Variants in COL6A2 observed in about 807,000 individuals in gnomAD.
The protein encoded by COL6A2 is collagen type VI alpha 2 chain.
In COL6A2, 90 loss-of-function variants were observed where a neutral mutation model predicts 124.9. The ratio of observed to expected loss-of-function variants is 0.72; its 90% confidence interval spans 0.61 to 0.86. The LOEUF (loss-of-function observed/expected upper bound fraction) is 0.86. Among genes scored for constraint, COL6A2 ranks in the 40% least tolerant of loss-of-function variants. COL6A2 has a pLI of 0.00. For synonymous variants in COL6A2, 793 were observed against 618.2 expected (o/e 1.28, Z -4.19); for missense variants, 1,607 against 1,502.5 (o/e 1.07, Z -1.15).
intron 27 of COL6A2, among the ~76,000 whole-genome samples, chr21:46,127,070 C>T (rs989468185): frequency 3.3e-5 from 5 of 152,154 alleles, no homozygotes; most frequent in Admixed American, 2.0e-4. Flanking sequence ...GGGTGTGAAG[C>T]TGGAGCTGGG....
intron 1 of COL6A2, among the ~76,000 whole-genome samples, chr21:46,105,175 C>G (rs890992232): frequency 1.3e-5 from 2 of 152,086 alleles, no homozygotes; most frequent in Non-Finnish European, 2.9e-5. Context: ...CCCAGGAGTT[C>G]AAGACCAGCC....
intron 14 of COL6A2, 106 bp downstream of exon 14, chr21:46,119,225 G>T: frequency 1.1e-6 from 1 of 879,734 alleles, no homozygotes; most frequent in Non-Finnish European, 1.8e-6. Flanking sequence ...AGGATCCCCT[G>T]CTGGCAAGGC....
intron 10 of COL6A2, among the ~76,000 whole-genome samples, 164 bp from the exon 11 acceptor site, chr21:46,117,236 G>A (rs190406823): frequency 1.3e-3 from 205 of 152,362 alleles, no homozygotes; most frequent in African/African-American, 4.5e-3. Context: ...CTGCCTCCCC[G>A]GAGACAGCTC....
intron 18 of COL6A2, 128 bp from the exon 19 acceptor site, chr21:46,121,980 A>T: frequency 1.0e-6 from 1 of 988,100 alleles, no homozygotes; most frequent in Non-Finnish European, 1.6e-6. Context: ...GCCTCTGCTC[A>T]CAGCCAGAAC....
At chr21:46,129,702 T>C (rs2078734787) in intron 27 of COL6A2, 2 of 1,411,792 alleles carry the variant, frequency 1.4e-6, no homozygotes, top group Non-Finnish European at 1.8e-6. Flanking sequence ...TTCCAGTCTC[T>C]CCTCCGTCTT....
intron 19 of COL6A2, 142 bp from the exon 20 acceptor site, chr21:46,122,354 A>G: frequency 1.5e-6 from 2 of 1,303,994 alleles, no homozygotes; most frequent in Non-Finnish European, 2.2e-6. Context: ...GGAAAAGAGC[A>G]CAGCTCAGAA....
chr21:46,123,016 G>C, intron 21 of COL6A2, 79 bp downstream of exon 21: 6 of 1,350,586 alleles, frequency 4.4e-6, no homozygotes, highest in Non-Finnish European at 6.4e-6. Flanking sequence ...GTGCATCTAT[G>C]AGTACAGGAG....
rs1026570756 is a variant in COL6A2, at chr21:46,111,418, G to C, written c.-27-32G>C. 6.2e-5 allele frequency: 81 copies of C among 1,316,126 alleles called. 1 individual carries two copies. In the East Asian group the frequency reaches 1.9e-3, roughly 30 times the overall value. 81.5% of individuals were successfully genotyped at this position (1,316,126 alleles called of 1,614,324 possible). The stretch of plus-strand genomic sequence containing the variant: ...GAGGGTGCCAGGGGAGAGGCACTGG[G>C]GGTGTCTGAGCGACCCCCACCCCTG... On this transcript the variant is annotated intron_variant, in intron 1 of 27. Coordinates refer to ENST00000300527, the MANE Select transcript of COL6A2 (RefSeq NM_001849.4).
chr21:46,099,102 G>A (rs1410358170), intron 1 of COL6A2: 1 of 152,358 alleles, frequency 6.6e-6, no homozygotes, highest in Non-Finnish European at 1.5e-5. Context: ...CTTGTTCTTG[G>A]GATAACACAG....
intron 27 of COL6A2, chr21:46,128,889 T>C (rs772399181): frequency 4.4e-6 from 7 of 1,607,496 alleles, no homozygotes; most frequent in Non-Finnish European, 6.0e-6. Flanking sequence ...GAGTTTGGCC[T>C]GTCTCCGGCA....
chr21:46,127,783 C>T (rs1296093293), intron 27 of COL6A2, among the ~76,000 whole-genome samples: 1 of 152,194 alleles, frequency 6.6e-6, no homozygotes, highest in East Asian at 1.9e-4. Context: ...GGCTTCCCCT[C>T]CACTCCAGGT....
chr21:46,129,153 C>T, intron 27 of COL6A2: 1 of 1,611,882 alleles, frequency 6.2e-7, no homozygotes. Context: ...TAGGCCGACG[C>T]CCACCGCAGG....
chr21:46,129,740 C>G (rs1017119475), intron 27 of COL6A2: 2 of 1,368,270 alleles, frequency 1.5e-6, no homozygotes, highest in African/African-American at 2.9e-5. Flanking sequence ...TATAAGAACC[C>G]TGGTCATTGA....
intron 25 of COL6A2, 72 bp downstream of exon 25, chr21:46,125,689 AG>A (rs1312393208): frequency 2.5e-6 from 4 of 1,589,398 alleles, no homozygotes; most frequent in Non-Finnish European, 3.4e-6. Context: ...AGATGGGAGA[AG>A]TCCAGACGCG....
chr21:46,118,112 T>G (rs764329460), intron 12 of COL6A2, among the ~76,000 whole-genome samples, 176 bp downstream of exon 12: 1 of 152,042 alleles, frequency 6.6e-6, no homozygotes, highest in Non-Finnish European at 1.5e-5. Context: ...TTCATCAGCT[T>G]CTAACCAGGG....
chr21:46,099,308 T>C (rs2078260824), intron 1 of COL6A2, among the ~76,000 whole-genome samples: 1 of 151,638 alleles, frequency 6.6e-6, no homozygotes, highest in Admixed American at 6.6e-5. Flanking sequence ...AAAAAAAAAT[T>C]AGCCGGGCGT....
At position 46,132,179 on chromosome 21, in the gene COL6A2, A is replaced by G; in HGVS notation, c.2687A>G (p.His896Arg). Residue 896 changes from histidine (H) to arginine (R), a missense_variant, in exon 28 of 28, where the codon CAC becomes CGC. His to Arg is a conservative substitution (Grantham distance 29). Coordinates refer to ENST00000300527, the MANE Select transcript of COL6A2 (RefSeq NM_001849.4). Reference protein sequence around the residue: ...GEQQVAFPLSHNLTAIHEALE... With the variant: ...GEQQVAFPLSRNLTAIHEALE... ...CAGCAGGTGGCCTTCCCGCTGAGCC[A>G]CAACCTCACGGCCATCCACGAGGCG... is the stretch of plus-strand genomic sequence containing the variant. 1 of 1,573,480 alleles carries G rather than the reference A, an allele frequency of 6.4e-7. No homozygotes were observed. Among genetic ancestry groups the G allele is most frequent in the South Asian group, 1.2e-5 (1 of 86,914 alleles).
Position 46,120,500 on chromosome 21 carries a change from CT to C in COL6A2, c.1333-13del. The C allele has an allele frequency of 6.6e-7, 1 of 1,523,276 alleles. No individual in the cohort carries two copies. The highest frequency in any genetic ancestry group is 8.8e-7 in the Non-Finnish European group (1 of 1,136,618). 94.4% of individuals were successfully genotyped at this position (1,523,276 alleles called of 1,614,324 possible). ...CTCAGCTGAGACCCGTGGGGCCTCCCTTCCCTTCCCACAGGGGGACCCTGGC... is the reference window on the plus strand; with the variant it reads ...CTCAGCTGAGACCCGTGGGGCCTCCCTCCCTTCCCACAGGGGGACCCTGGC... On this transcript the variant is annotated splice_polypyrimidine_tract_variant and intron_variant, in intron 15 of 27. Transcript: ENST00000300527.
rs2123615242 is a variant in COL6A2, at chr21:46,112,261, T to C, written c.398T>C (p.Phe133Ser). The C allele has an allele frequency of 6.2e-7, 1 of 1,612,708 alleles. No individual in the cohort carries two copies. The highest frequency in any genetic ancestry group is 2.2e-5 in the East Asian group (1 of 44,842). ...QGISSFRRGT[F>S]TDCALANMTE... The stretch of plus-strand genomic sequence containing the variant: ...ATCAGCTCCTTCCGCCGCGGCACCT[T>C]CACCGACTGCGCGCTGGCCAACATG... Residue 133 changes from phenylalanine (F) to serine (S), a missense_variant, in exon 3 of 28, where the codon TTC becomes TCC. Physicochemically the swap from Phe to Ser is radical, Grantham distance 155. Around this residue, in one of 3 missense-constraint regions of COL6A2, gnomAD observed 342 missense variants for 381.5 expected, o/e 0.90. Transcript: ENST00000300527.
Sources: gnomAD v4.1 joint callset for allele counts (sites outside exome capture counted in the v4.1 genomes callset) on GRCh38, gnomAD v4.1.1 for gene constraint, gnomAD v4.1.1 regional missense constraint, MANE v1.5 for transcripts, NCBI Gene and HGNC (gene_info 2026-07-23, HGNC 2026-07-21) for gene names.